The following PTH2R variants were observed in gnomAD, a reference collection of about 807,000 sequenced individuals.
PTH2R encodes the protein parathyroid hormone 2 receptor, also known as PTH2 receptor.
In PTH2R, 59 loss-of-function variants were observed where a neutral mutation model predicts 60.3. That is an observed-to-expected ratio of 0.98 (90% CI 0.79 to 1.22). PTH2R has a LOEUF of 1.22. Ranked by LOEUF, PTH2R falls within the 50% of genes most tolerant of loss-of-function variation. The pLI, the probability that PTH2R is intolerant of heterozygous loss-of-function variation, is 0.00. For synonymous variants in PTH2R, 256 were observed against 243.8 expected (o/e 1.05, Z -0.47); for missense variants, 749 against 682.6 (o/e 1.10, Z -1.08).
At chr2:208,453,109 T>C (rs1336552940) in intron 8 of PTH2R, among the ~76,000 whole-genome samples, 1 of 152,196 alleles carries the variant, frequency 6.6e-6, no homozygotes, top group Non-Finnish European at 1.5e-5. Context: ...TCTCTTATCT[T>C]CACTATGTCT....
rs575255179 is a variant in PTH2R at position 208,454,170 on chromosome 2, T to C, written c.914+3361T>C. 1.7e-4 allele frequency among the ~76,000 whole-genome samples: 26 copies of C among 152,258 alleles called. 1 individual carries two copies. The highest frequency in any genetic ancestry group is 5.8e-4 in the African/African-American group (24 of 41,558). On this transcript the variant is annotated intron_variant, in intron 8 of 12. Coordinates refer to ENST00000272847, the MANE Select transcript of PTH2R (RefSeq NM_005048.4). Reference sequence around the variant, plus strand: ...TGAATGAACATGAAAAAATTCTTTTTTTTTTGGTATTATTTCTATTTAAAT... The same window carrying C: ...TGAATGAACATGAAAAAATTCTTTTCTTTTTGGTATTATTTCTATTTAAAT...
upstream of PTH2R, among the ~76,000 whole-genome samples, chr2:208,406,358 C>G (rs1701405495): frequency 2.0e-5 from 3 of 152,026 alleles, no homozygotes. Flanking sequence ...TTAACACACA[C>G]CGAGTATTAT....
chr2:208,450,825 G>A lies in PTH2R; in HGVS notation c.914+16G>A, dbSNP rs1574885010. 3 of 1,612,824 alleles carry A rather than the reference G, an allele frequency of 1.9e-6. No individual in the cohort carries two copies. Among genetic ancestry groups the A allele is most frequent in the Non-Finnish European group, 2.5e-6 (3 of 1,178,860 alleles). On this transcript the variant is annotated intron_variant, in intron 8 of 12. Coordinates refer to ENST00000272847, the MANE Select transcript of PTH2R (RefSeq NM_005048.4). ...CTGATGCGAGGTGAGTGAAAAGGCA[G>A]GGGAAACGAGAGAACCTCAGATGTT...
intron 10 of PTH2R, among the ~76,000 whole-genome samples, chr2:208,482,356 A>G (rs1703173999): frequency 6.6e-6 from 1 of 152,190 alleles, no homozygotes; most frequent in South Asian, 2.1e-4. Context: ...TTCTGGTCCC[A>G]CAGTGCCAAC....
Position 208,489,123 on chromosome 2 carries a change from C to T in PTH2R, c.1188C>T (p.His396=). The change falls in exon 11 of 13, where the codon CAC becomes CAT. Residue 396 remains histidine, a synonymous_variant. Transcript: ENST00000272847. ...FTGLGWEIRM[H]CELFFNSFQG... ...GGCTCGGGTGGGAGATCCGCATGCA[C>T]TGTGAGCTCTTCTTCAACTCCTTTC... is the stretch of plus-strand genomic sequence containing the variant. The T allele has an allele frequency of 6.2e-7, 1 of 1,614,168 alleles. No homozygotes were observed. Among genetic ancestry groups the T allele is most frequent in the Non-Finnish European group, 8.5e-7 (1 of 1,180,032 alleles).
At chr2:208,406,345 T>C (rs1300150840), upstream of PTH2R, among the ~76,000 whole-genome samples, 1 of 152,232 alleles carries the variant, frequency 6.6e-6, no homozygotes, top group Non-Finnish European at 1.5e-5. Flanking sequence ...ACATTATTTC[T>C]ACTTAACACA....
At chr2:208,478,634 T>G (rs1323480073) in intron 9 of PTH2R, among the ~76,000 whole-genome samples, 3 of 152,238 alleles carry the variant, frequency 2.0e-5, no homozygotes, top group Admixed American at 2.0e-4. Flanking sequence ...ATTTTAAAAT[T>G]TGGTTATATT....
At chr2:208,480,220 A>G (rs571108275) in intron 9 of PTH2R, among the ~76,000 whole-genome samples, 37 of 152,332 alleles carry the variant, frequency 2.4e-4, no homozygotes, top group Non-Finnish European at 4.7e-4. Flanking sequence ...CCAGGACTGC[A>G]GGACTTGATG....
At position 208,372,512 on chromosome 2, in the gene PTH2R, A is replaced by G. The variant is rs551030135; in HGVS notation, c.-259+12275A>G. Among the ~76,000 whole-genome samples, 88 of 152,196 alleles carry G rather than the reference A, an allele frequency of 5.8e-4. 2 individuals carry two copies. The highest frequency in any genetic ancestry group is 2.1e-3 in the African/African-American group (86 of 41,460). On this transcript the variant is annotated intron_variant, in intron 1 of 12. Transcript: ENST00000617735. ...AGCTTTTTGGCATTCACTTAATTAA[A>G]ATGTTCACAAGTAGGTACATTTTTA...
chr2:208,437,710 A>G (rs1702103035), intron 3 of PTH2R, 50 bp from the exon 4 acceptor site: 2 of 1,604,118 alleles, frequency 1.2e-6, no homozygotes, highest in South Asian at 2.2e-5. Context: ...TTTCTTGATA[A>G]TAGATTCTAA....
chr2:208,367,862 T>C (rs368743755), intron 1 of PTH2R, among the ~76,000 whole-genome samples: 2 of 152,312 alleles, frequency 1.3e-5, no homozygotes, highest in Middle Eastern at 3.4e-3. Flanking sequence ...CTGGACTCCC[T>C]TACTCACCTT....
chr2:208,437,846 C>G lies in PTH2R; in HGVS notation c.376C>G (p.Leu126Val), dbSNP rs1022533831. ...AACATGGGCCAATTATTCAGACTGC[C>G]TTCGCTTTCTGCAGCCAGATATCAG... Reference protein sequence around the residue: ...NKTWANYSDCLRFLQPDISIG... With the variant: ...NKTWANYSDCVRFLQPDISIG... Residue 126 changes from leucine to valine, a missense_variant, in exon 4 of 13, where the codon CTT (leucine) becomes GTT (valine). By Grantham distance (32) the Leu-to-Val change is conservative (BLOSUM62 1). Coordinates refer to ENST00000272847, the MANE Select transcript of PTH2R (RefSeq NM_005048.4). The G allele has an allele frequency of 4.3e-6, 7 of 1,613,614 alleles. No homozygotes were observed. The highest frequency in any genetic ancestry group is 5.9e-6 in the Non-Finnish European group (7 of 1,179,714).
intron 5 of PTH2R, among the ~76,000 whole-genome samples, 161 bp downstream of exon 5, chr2:208,442,622 C>G (rs879206650): frequency 6.6e-6 from 1 of 152,134 alleles, no homozygotes; most frequent in African/African-American, 2.4e-5. Flanking sequence ...TTTTTCATGA[C>G]AAATTCAGGG....
rs760165698 is a variant in PTH2R, at chr2:208,375,921, T to A, written c.-259+15684T>A. ...ACAAAATGCCCATGTCTCCAGCACT[T>A]CTTTAGCATTCTGAGTTCCCATCCT... On this transcript the variant is annotated intron_variant, in intron 1 of 12. Transcript: ENST00000617735. 2.4e-4 allele frequency among the ~76,000 whole-genome samples: 36 copies of A among 152,168 alleles called. 1 individual carries two copies. Among genetic ancestry groups the A allele is most frequent in the Non-Finnish European group, 3.7e-4 (25 of 68,028 alleles).
At chr2:208,492,900 G>A (rs966178252) in intron 12 of PTH2R, among the ~76,000 whole-genome samples, 8 of 152,138 alleles carry the variant, frequency 5.3e-5, no homozygotes, top group African/African-American at 9.7e-5. Flanking sequence ...TGTGCCACGC[G>A]AGAGTTCTGA....
At chr2:208,487,306 G>A (rs1703294898) in intron 10 of PTH2R, among the ~76,000 whole-genome samples, 1 of 152,138 alleles carries the variant, frequency 6.6e-6, no homozygotes, top group African/African-American at 2.4e-5. Flanking sequence ...CCTTAGTCTA[G>A]TGTGATCTGT....
At chr2:208,380,230 G>A (rs1254344314) in intron 1 of PTH2R, among the ~76,000 whole-genome samples, 1 of 152,114 alleles carries the variant, frequency 6.6e-6, no homozygotes, top group African/African-American at 2.4e-5. Flanking sequence ...ATATTGAATA[G>A]GAACTTGCTA....
At chr2:208,490,811 C>G (rs1703387966) in intron 12 of PTH2R, 131 bp downstream of exon 12, 1 of 833,370 alleles carries the variant, frequency 1.2e-6, no homozygotes, top group Non-Finnish European at 1.8e-6. Flanking sequence ...CTATTTTAAT[C>G]ATAAATTATT....
intron 1 of PTH2R, among the ~76,000 whole-genome samples, chr2:208,368,768 G>T (rs1006138493): frequency 2.6e-5 from 4 of 152,156 alleles, no homozygotes; most frequent in Admixed American, 6.5e-5. Context: ...TCCTCCTCTG[G>T]TAGATTAATT....
Sources: gnomAD v4.1 joint callset for allele counts (sites outside exome capture counted in the v4.1 genomes callset) on GRCh38, gnomAD v4.1.1 for gene constraint, MANE v1.5 for transcripts, NCBI Gene and HGNC (gene_info 2026-07-23, HGNC 2026-07-21) for gene names.